C2orf49: variants seen among roughly 807,000 people sequenced by gnomAD.
C2orf49 encodes the protein tRNA-splicing ligase complex subunit ASW.
Under a neutral mutation model 20.6 loss-of-function variants are expected in C2orf49, and 11 were observed. The ratio of observed to expected loss-of-function variants is 0.53; its 90% CI spans 0.34 to 0.88. C2orf49 has a LOEUF of 0.88. Ranked by LOEUF, C2orf49 falls within the 40% of genes least tolerant of loss-of-function variation. The pLI, the probability that C2orf49 is intolerant of heterozygous loss-of-function variation, is 0.02. For synonymous variants in C2orf49, 134 were observed against 108.5 expected, an observed-to-expected ratio of 1.24 and a Z score of -1.46; for missense variants, 289 against 274.2, an observed-to-expected ratio of 1.05 and a Z score of -0.38.
At chr2:105,366,396 G>C in the C2orf49 span, among the ~76,000 whole-genome samples, 1 of 152,214 alleles carries the variant, frequency 6.6e-6, no homozygotes. Context: ...GGGCAAAACA[G>C]CAGAAGCTGG....
At chr2:105,380,454 C>G in the C2orf49 span, among the ~76,000 whole-genome samples, 1 of 152,206 alleles carries the variant, frequency 6.6e-6, no homozygotes, top group African/African-American at 2.4e-5. Flanking sequence ...GTCTCAAACT[C>G]TTGGCCTTAA....
At chr2:105,374,357 C>A in the C2orf49 span, 1 of 155,314 alleles carries the variant, frequency 6.4e-6, no homozygotes, top group Non-Finnish European at 1.4e-5. Flanking sequence ...ATTGGAGGGA[C>A]CACAGGCCAG....
At chr2:105,369,216 G>A in the C2orf49 span, among the ~76,000 whole-genome samples, 1 of 152,180 alleles carries the variant, frequency 6.6e-6, no homozygotes, top group Non-Finnish European at 1.5e-5. Context: ...GCCGACAGAG[G>A]GACTGCCCCG....
downstream of C2orf49, among the ~76,000 whole-genome samples, chr2:105,351,115 A>G (rs1461622673): frequency 1.3e-5 from 2 of 152,140 alleles, no homozygotes; most frequent in Non-Finnish European, 2.9e-5. Flanking sequence ...TCTCATGACT[A>G]GACTGGGGCT....
rs900463047 is a variant in C2orf49, at chr2:105,347,313, T to A, written c.*1942T>A. 11 of 152,340 alleles carry A rather than the reference T, an allele frequency of 7.2e-5. No individual in the cohort carries two copies. The highest frequency in any genetic ancestry group is 2.6e-4 in the African/African-American group (11 of 41,592). 9.4% of individuals were successfully genotyped at this position (152,340 alleles called of 1,614,324 possible). Reference sequence around the variant, plus strand: ...TTAAAAGTGCAGATTATAGAGTAGATTGACAAATTTTATTTTATATTCAGT... The same window carrying A: ...TTAAAAGTGCAGATTATAGAGTAGAATGACAAATTTTATTTTATATTCAGT... On this transcript the variant is annotated 3_prime_UTR_variant, in exon 4 of 4. Transcript: ENST00000258457.
At chr2:105,345,255 A>G (rs1679781241) in intron 3 of C2orf49, 60 bp from the exon 4 acceptor site, 2 of 1,451,008 alleles carry the variant, frequency 1.4e-6, no homozygotes, top group Admixed American at 1.9e-5. Context: ...TGAAATGTTC[A>G]TTTTAGTTGT....
At chr2:105,338,452 A>T (rs1679567043) in intron 1 of C2orf49, among the ~76,000 whole-genome samples, 1 of 152,200 alleles carries the variant, frequency 6.6e-6, no homozygotes, top group South Asian at 2.1e-4. Flanking sequence ...CTTAAGAATG[A>T]GTCGAGGGAC....
the C2orf49 span, among the ~76,000 whole-genome samples, chr2:105,354,300 T>C: frequency 6.6e-6 from 1 of 152,216 alleles, no homozygotes; most frequent in South Asian, 2.1e-4. Context: ...AGTGAAACTG[T>C]TTCTTTGACT....
chr2:105,363,805 T>C, the C2orf49 span, among the ~76,000 whole-genome samples: 2 of 152,160 alleles, frequency 1.3e-5, no homozygotes, highest in African/African-American at 4.8e-5. Context: ...GGGTCGGGAT[T>C]CAATACAGCA....
chr2:105,371,706 G>A, the C2orf49 span, among the ~76,000 whole-genome samples: 2 of 152,166 alleles, frequency 1.3e-5, no homozygotes, highest in Non-Finnish European at 2.9e-5. Context: ...TTTATGTCAT[G>A]GTTGGTGCTA....
chr2:105,352,292 C>A (rs1679952895), downstream of C2orf49, among the ~76,000 whole-genome samples: 1 of 149,818 alleles, frequency 6.7e-6, no homozygotes, highest in South Asian at 2.1e-4. Context: ...TCTCTATTAA[C>A]AACAACAAAA....
the C2orf49 span, among the ~76,000 whole-genome samples, chr2:105,382,616 T>C: frequency 6.6e-6 from 1 of 152,202 alleles, no homozygotes; most frequent in Admixed American, 6.5e-5. Flanking sequence ...CAATACACAG[T>C]GGTTTCAAAG....
chr2:105,383,486 A>G, the C2orf49 span, among the ~76,000 whole-genome samples: 2 of 152,242 alleles, frequency 1.3e-5, no homozygotes, highest in Admixed American at 6.5e-5. Flanking sequence ...TTCAAACTAT[A>G]TAACAGGCTC....
chr2:105,365,706 G>A, the C2orf49 span, among the ~76,000 whole-genome samples: 1 of 151,736 alleles, frequency 6.6e-6, no homozygotes, highest in Non-Finnish European at 1.5e-5. Context: ...GGTGGGTTTG[G>A]TGGTGGCACC....
In C2orf49 at chr2:105,337,669, C is replaced by T. The variant is rs991080602; in HGVS notation, c.82C>T (p.Leu28Phe). The change falls in exon 1 of 4, where the codon CTC becomes TTC. Residue 28 changes from leucine to phenylalanine, a missense_variant. Coordinates refer to ENST00000258457, the MANE Select transcript of C2orf49 (RefSeq NM_024093.3). ...GGAGCTGCTGTCCCAGGAGTTCCTT[C>T]TCCTCACTCTGGAGCAGGTTGGGCG... is the stretch of plus-strand genomic sequence containing the variant. ...HPELLSQEFL[L>F]LTLEQKNIAV... 1 of 1,418,924 alleles carries T rather than the reference C, an allele frequency of 7.0e-7. No individual in the cohort carries two copies. Among genetic ancestry groups the T allele is most frequent in the African/African-American group, 1.5e-5 (1 of 66,912 alleles). 87.9% of individuals were successfully genotyped at this position (1,418,924 alleles called of 1,614,324 possible).
chr2:105,385,395 A>G, the C2orf49 span, among the ~76,000 whole-genome samples: 2 of 152,224 alleles, frequency 1.3e-5, no homozygotes, highest in African/African-American at 4.8e-5. Context: ...GGCCTAAGTC[A>G]ATCAGTCAGC....
chr2:105,339,859 AC>A, intron 2 of C2orf49, 110 bp downstream of exon 2: 1 of 953,656 alleles, frequency 1.0e-6, no homozygotes, highest in Non-Finnish European at 1.5e-6. Flanking sequence ...TTACTCAATG[AC>A]TATCTATTGA....
At chr2:105,350,789 T>G (rs1055812550), downstream of C2orf49, among the ~76,000 whole-genome samples, 1 of 152,234 alleles carries the variant, frequency 6.6e-6, no homozygotes, top group Non-Finnish European at 1.5e-5. Flanking sequence ...CTGGAGAAAT[T>G]GCCACAGTAG....
At chr2:105,368,898 C>T in the C2orf49 span, among the ~76,000 whole-genome samples, 2 of 152,330 alleles carry the variant, frequency 1.3e-5, no homozygotes, top group East Asian at 3.9e-4. Flanking sequence ...CTGTGTAAGA[C>T]CAAATCCAGA....
Sources: allele counts gnomAD v4.1 joint callset (sites outside exome capture counted in the v4.1 genomes callset), GRCh38; gene constraint gnomAD v4.1.1; transcripts MANE v1.5; gene names NCBI Gene and HGNC (gene_info 2026-07-23, HGNC 2026-07-21).